FAF1: variants seen among roughly 807,000 people sequenced by gnomAD.
FAF1 encodes the protein Fas associated factor 1, also known as FAS-associated factor 1.
A neutral mutation model predicts 92.5 loss-of-function variants in FAF1; 25 were observed. The observed-to-expected ratio is 0.27, with a 90% CI of 0.20 to 0.38. The LOEUF (loss-of-function observed/expected upper bound fraction) is 0.38, where lower values mean the gene tolerates loss of function less well. Among genes scored for constraint, FAF1 ranks in the 10% least tolerant of loss-of-function variants. The pLI, the probability that FAF1 is intolerant of heterozygous loss-of-function variation, is 1.00. For synonymous variants in FAF1, 234 were observed against 273.2 expected, an observed-to-expected ratio of 0.86 and a Z score of 1.42; for missense variants, 636 against 793.3, an observed-to-expected ratio of 0.80 and a Z score of 2.38.
intron 13 of FAF1, among the ~76,000 whole-genome samples, chr1:50,553,700 A>C (rs567534734): frequency 2.6e-5 from 4 of 152,172 alleles, no homozygotes; most frequent in Non-Finnish European, 5.9e-5. Context: ...CAGTGAAAAG[A>C]ACTAATTATA....
At chr1:50,501,806 C>T (rs1167904125) in intron 15 of FAF1, among the ~76,000 whole-genome samples, 2 of 152,142 alleles carry the variant, frequency 1.3e-5, no homozygotes, top group African/African-American at 4.8e-5. Context: ...GAAAGTTATG[C>T]ATCTATCTAC....
At chr1:50,786,472 T>C (rs1569946430) in intron 4 of FAF1, among the ~76,000 whole-genome samples, 1 of 152,234 alleles carries the variant, frequency 6.6e-6, no homozygotes, top group African/African-American at 2.4e-5. Flanking sequence ...GGAAAGTTGC[T>C]ATCCAATGGG....
intron 8 of FAF1, among the ~76,000 whole-genome samples, chr1:50,607,823 G>T (rs141151645): frequency 3.3e-5 from 5 of 152,336 alleles, no homozygotes; most frequent in Non-Finnish European, 7.3e-5. Flanking sequence ...TAGTTCCTAA[G>T]GGGAGACCCA....
At chr1:50,508,045 C>G (rs1166010747) in intron 15 of FAF1, among the ~76,000 whole-genome samples, 1 of 152,190 alleles carries the variant, frequency 6.6e-6, no homozygotes, top group Non-Finnish European at 1.5e-5. Context: ...CAAGATACCA[C>G]CTTTATACCA....
chr1:50,885,324 A>ACACACACACACACACTCTCT (rs1644651416), intron 1 of FAF1, among the ~76,000 whole-genome samples: 2 of 102,214 alleles, frequency 2.0e-5, no homozygotes, highest in African/African-American at 7.1e-5. Flanking sequence ...ACACACACAC[A>ACACACACACACACACTCTCT]CTCTCTCTCT....
chr1:50,515,064 C>T (rs1376921801), intron 15 of FAF1, among the ~76,000 whole-genome samples: 2 of 152,136 alleles, frequency 1.3e-5, no homozygotes, highest in African/African-American at 4.8e-5. Flanking sequence ...TACTGCACAC[C>T]TACAAGATGT....
chr1:50,667,496 G>A (rs1343296127), intron 7 of FAF1, among the ~76,000 whole-genome samples: 4 of 152,162 alleles, frequency 2.6e-5, no homozygotes, highest in Non-Finnish European at 4.4e-5. Flanking sequence ...AAACAGCTGT[G>A]TCTTATTTGT....
chr1:50,820,688 T>C (rs1644035271), intron 2 of FAF1, among the ~76,000 whole-genome samples: 1 of 152,196 alleles, frequency 6.6e-6, no homozygotes, highest in Non-Finnish European at 1.5e-5. Context: ...TTCTAACCTC[T>C]CTGTTGCTAT....
intron 2 of FAF1, among the ~76,000 whole-genome samples, chr1:50,819,566 G>A (rs1238434929): frequency 6.7e-6 from 1 of 148,484 alleles, no homozygotes; most frequent in Non-Finnish European, 1.5e-5. Context: ...GTTCGAGACT[G>A]CAATAGCTAT....
intron 7 of FAF1, among the ~76,000 whole-genome samples, chr1:50,666,540 A>G (rs925301401): frequency 3.9e-5 from 6 of 152,128 alleles, no homozygotes; most frequent in African/African-American, 1.4e-4. Context: ...AACGTGTATG[A>G]ATCTTCTATG....
intron 1 of FAF1, among the ~76,000 whole-genome samples, chr1:50,927,074 G>A (rs1486818779): frequency 1.3e-5 from 2 of 152,160 alleles, no homozygotes; most frequent in Non-Finnish European, 2.9e-5. Flanking sequence ...GCAGAAAGGG[G>A]AATGGGGAGT....
intron 8 of FAF1, among the ~76,000 whole-genome samples, chr1:50,599,366 C>A (rs1323993638): frequency 6.6e-6 from 1 of 152,116 alleles, no homozygotes; most frequent in Non-Finnish European, 1.5e-5. Context: ...CCCACCTCAG[C>A]CTCCCAAAGT....
intron 8 of FAF1, among the ~76,000 whole-genome samples, chr1:50,609,877 T>C (rs1408400805): frequency 6.6e-6 from 1 of 152,120 alleles, no homozygotes; most frequent in Non-Finnish European, 1.5e-5. Flanking sequence ...GAACAACTTA[T>C]GTTGCAAAAC....
At chr1:50,919,065 G>C (rs1053390280) in intron 1 of FAF1, among the ~76,000 whole-genome samples, 2 of 152,120 alleles carry the variant, frequency 1.3e-5, no homozygotes, top group African/African-American at 4.8e-5. Flanking sequence ...AAAAAATTAT[G>C]AAGTGTCAGG....
At chr1:50,622,501 G>A (rs912115350) in intron 8 of FAF1, among the ~76,000 whole-genome samples, 5 of 152,156 alleles carry the variant, frequency 3.3e-5, no homozygotes, top group Non-Finnish European at 7.3e-5. Context: ...CTTCCAGGCC[G>A]CATTTAGTTA....
chr1:50,639,593 C>CT (rs201153373), intron 8 of FAF1, among the ~76,000 whole-genome samples: 19 of 151,416 alleles, frequency 1.3e-4, no homozygotes, highest in African/African-American at 2.4e-4. Context: ...TCTTTTTGTT[C>CT]TTTTTTTTTG....
chr1:50,876,868 G>C (rs1350770100), intron 1 of FAF1, among the ~76,000 whole-genome samples: 1 of 152,176 alleles, frequency 6.6e-6, no homozygotes, highest in Non-Finnish European at 1.5e-5. Context: ...ACAGGCATGA[G>C]CCACCGCACC....
At chr1:50,815,620 CTAA>C (rs1643962461) in intron 2 of FAF1, among the ~76,000 whole-genome samples, 1 of 152,224 alleles carries the variant, frequency 6.6e-6, no homozygotes, top group Non-Finnish European at 1.5e-5. Context: ...TGAGAAATCT[CTAA>C]ACTGCGTTCC....
intron 18 of FAF1, among the ~76,000 whole-genome samples, chr1:50,467,234 T>C (rs2148993465): frequency 6.6e-6 from 1 of 152,190 alleles, no homozygotes; most frequent in East Asian, 1.9e-4. Context: ...GACCCAGAAA[T>C]AGGAATTATA....
Sources: gnomAD v4.1 joint callset for allele counts (sites outside exome capture counted in the v4.1 genomes callset) on GRCh38, gnomAD v4.1.1 for gene constraint, MANE v1.5 for transcripts, NCBI Gene and HGNC (gene_info 2026-07-23, HGNC 2026-07-21) for gene names.